UBE2D2: variants seen among roughly 807,000 people sequenced by gnomAD.
UBE2D2 encodes the protein ubiquitin-conjugating enzyme E2 D2.
Under a neutral mutation model 24.2 loss-of-function variants are expected in UBE2D2, and 2 were observed. The observed-to-expected ratio is 0.08, with a 90% CI of 0.03 to 0.26. The LOEUF (loss-of-function observed/expected upper bound fraction) is 0.26, where lower values mean the gene tolerates loss of function less well. Among genes scored for constraint, UBE2D2 ranks in the 10% least tolerant of loss-of-function variants. The pLI is 1.00. For missense variants in UBE2D2, 44 were observed against 177.6 expected, an observed-to-expected ratio of 0.25 and a Z score of 4.28; for synonymous variants, 58 against 56.5, an observed-to-expected ratio of 1.03 and a Z score of -0.12.
chr5:139,584,499 C>T (rs1196743558), intron 1 of UBE2D2, among the ~76,000 whole-genome samples: 3 of 151,600 alleles, frequency 2.0e-5, no homozygotes, highest in Admixed American at 2.0e-4. Context: ...TACACATTTA[C>T]CCCAAAACAC....
chr5:139,563,593 C>G (rs1444285900), intron 1 of UBE2D2, among the ~76,000 whole-genome samples: 10 of 152,060 alleles, frequency 6.6e-5, no homozygotes, highest in East Asian at 3.8e-4. Flanking sequence ...ATTTTATAAC[C>G]TGAGAAAGAG....
At chr5:139,562,070 G>T in intron 1 of UBE2D2, 2 of 847,266 alleles carry the variant, frequency 2.4e-6, no homozygotes, top group Non-Finnish European at 3.5e-6. Flanking sequence ...GCATGGTGTG[G>T]ACTCTTAGGG....
At chr5:139,562,039 C>T in intron 1 of UBE2D2, 2 of 821,738 alleles carry the variant, frequency 2.4e-6, no homozygotes, top group African/African-American at 3.6e-5. Context: ...AGCGTTCCTC[C>T]CCGGCTGCCC....
At chr5:139,542,633 G>C (rs1288849534) in intron 1 of UBE2D2, among the ~76,000 whole-genome samples, 1 of 151,900 alleles carries the variant, frequency 6.6e-6, no homozygotes, top group Non-Finnish European at 1.5e-5. Flanking sequence ...GCATGACATA[G>C]TTTTGACAAA....
chr5:139,580,584 C>G (rs919660429), intron 1 of UBE2D2, among the ~76,000 whole-genome samples: 1 of 152,134 alleles, frequency 6.6e-6, no homozygotes, highest in African/African-American at 2.4e-5. Flanking sequence ...GCCTCTGGGA[C>G]CACAGGCATG....
intron 1 of UBE2D2, among the ~76,000 whole-genome samples, chr5:139,581,536 A>T (rs542339421): frequency 1.3e-5 from 2 of 151,804 alleles, no homozygotes; most frequent in East Asian, 3.9e-4. Flanking sequence ...CGGATTTTGG[A>T]ATATTTGCAT....
At chr5:139,562,490 TC>T in intron 1 of UBE2D2, 14 of 1,240,094 alleles carry the variant, frequency 1.1e-5, no homozygotes, top group Non-Finnish European at 1.5e-5. Flanking sequence ...AACTAACACT[TC>T]CGTTTTGCAG....
At chr5:139,611,175 C>CTTTTTTTTTTTT (rs60626896) in intron 2 of UBE2D2, among the ~76,000 whole-genome samples, 9 of 58,792 alleles carry the variant, frequency 1.5e-4, no homozygotes, top group African/African-American at 4.0e-4. Context: ...AGTTTTCCTT[C>CTTTTTTTTTTTT]TTTTTTTTTT....
chr5:139,534,879 C>T (rs1236829152), intron 1 of UBE2D2, among the ~76,000 whole-genome samples: 2 of 152,060 alleles, frequency 1.3e-5, no homozygotes, highest in African/African-American at 4.8e-5. Context: ...TGGCTCACAC[C>T]TGTAATCCCA....
intron 1 of UBE2D2, among the ~76,000 whole-genome samples, chr5:139,589,274 A>G (rs1753793605): frequency 6.6e-6 from 1 of 152,010 alleles, no homozygotes; most frequent in Non-Finnish European, 1.5e-5. Flanking sequence ...GAAAAAAAAA[A>G]TAGCCCGGGC....
At chr5:139,558,388 C>T (rs975323483), upstream of UBE2D2, among the ~76,000 whole-genome samples, 2 of 152,076 alleles carry the variant, frequency 1.3e-5, no homozygotes, top group African/African-American at 4.8e-5. Flanking sequence ...CCCGGGTTCA[C>T]GCCATTCTCC....
intron 1 of UBE2D2, among the ~76,000 whole-genome samples, chr5:139,597,036 A>T (rs1223890916): frequency 6.6e-6 from 1 of 151,616 alleles, no homozygotes; most frequent in African/African-American, 2.4e-5. Flanking sequence ...ACAGAGCAAG[A>T]CTCCATCTAA....
intron 1 of UBE2D2, among the ~76,000 whole-genome samples, chr5:139,544,937 C>T (rs1195164029): frequency 5.9e-5 from 9 of 151,966 alleles, no homozygotes; most frequent in South Asian, 2.1e-4. Flanking sequence ...TCACCACGCC[C>T]GGCTAATTTT....
intron 1 of UBE2D2, among the ~76,000 whole-genome samples, chr5:139,568,369 T>C (rs150953767): frequency 6.6e-6 from 1 of 151,208 alleles, no homozygotes; most frequent in African/African-American, 2.4e-5. Flanking sequence ...TTAAAAATAC[T>C]GTAGGCCGGG....
chr5:139,540,375 C>A (rs1752739014), intron 1 of UBE2D2, among the ~76,000 whole-genome samples: 1 of 151,802 alleles, frequency 6.6e-6, no homozygotes, highest in Non-Finnish European at 1.5e-5. Context: ...GTGACATAAA[C>A]CCATCTTTGT....
chr5:139,588,851 C>T (rs1171857780), intron 1 of UBE2D2, among the ~76,000 whole-genome samples: 11 of 152,108 alleles, frequency 7.2e-5, no homozygotes, highest in Non-Finnish European at 1.5e-4. Flanking sequence ...CAGCCTCGAC[C>T]TCCTGGGCTC....
At chr5:139,585,935 CAAAAAAAA>C (rs60277561) in intron 1 of UBE2D2, among the ~76,000 whole-genome samples, 328 of 25,572 alleles carry the variant, frequency 0.013, 7 homozygotes, top group Middle Eastern at 0.042. Flanking sequence ...GACTCTGTCT[CAAAAAAAA>C]AAAAAAAAAA....
intron 1 of UBE2D2, among the ~76,000 whole-genome samples, chr5:139,549,296 C>T (rs1169616281): frequency 1.3e-5 from 2 of 152,196 alleles, no homozygotes; most frequent in Non-Finnish European, 2.9e-5. Flanking sequence ...CCTCTCTGGG[C>T]TAGCTGAGGC....
chr5:139,555,237 G>T (rs1212392467), intron 1 of UBE2D2, among the ~76,000 whole-genome samples: 3 of 151,792 alleles, frequency 2.0e-5, no homozygotes, highest in African/African-American at 7.3e-5. Flanking sequence ...GTAGAGGCTG[G>T]GTTTCACTGC....
Sources: allele counts gnomAD v4.1 joint callset (sites outside exome capture counted in the v4.1 genomes callset), GRCh38; gene constraint gnomAD v4.1.1; transcripts MANE v1.5; gene names NCBI Gene and HGNC (gene_info 2026-07-23, HGNC 2026-07-21).